The following SLC12A9 variants were observed in gnomAD, a reference collection of about 807,000 sequenced individuals.
The protein encoded by SLC12A9 is CCC-interacting protein 1.
Under a neutral mutation model 66.0 loss-of-function variants are expected in SLC12A9, and 55 were observed. The ratio of observed to expected loss-of-function variants is 0.83; its 90% confidence interval spans 0.67 to 1.04. The LOEUF (loss-of-function observed/expected upper bound fraction) is 1.04. SLC12A9 is among the 50% of genes least tolerant of loss of function. The pLI is 0.00. For missense variants in SLC12A9, 1,061 were observed against 1,241.9 expected (o/e 0.85, Z 2.19); for synonymous variants, 577 against 569.0 (o/e 1.01, Z -0.20).
intron 12 of SLC12A9, among the ~76,000 whole-genome samples, chr7:100,862,416 G>A (rs1328542307): frequency 1.3e-5 from 2 of 152,122 alleles, no homozygotes; most frequent in African/African-American, 4.8e-5. Flanking sequence ...GTGCCACCAG[G>A]CCTGGCTCAT....
At chr7:100,826,926 G>C (rs867337257) in exon 1 of SLC12A9, 14 of 1,535,578 alleles carry the variant, frequency 9.1e-6, no homozygotes, top group African/African-American at 2.8e-5. Context: ...CCAGATGTTG[G>C]GGGGGAGGTC....
upstream of SLC12A9, among the ~76,000 whole-genome samples, chr7:100,848,334 G>A (rs1813963975): frequency 6.6e-6 from 1 of 151,262 alleles, no homozygotes; most frequent in Admixed American, 6.6e-5. Context: ...GTGAGAACCT[G>A]TCTCTACAAA....
At chr7:100,859,692 T>G (rs546807577) in intron 7 of SLC12A9, 193 bp from the exon 8 acceptor site, 12 of 653,068 alleles carry the variant, frequency 1.8e-5, no homozygotes, top group Non-Finnish European at 5.1e-6. Context: ...GCCTGGGGGT[T>G]GGAGTGAGAC....
rs1027274168 is a variant in SLC12A9, at chr7:100,860,383, G to T, written c.1218+151G>T. 1.5e-5 allele frequency: 12 copies of T among 781,304 alleles called. No individual in the cohort carries two copies. In the African/African-American group the frequency reaches 1.6e-4, roughly 10 times the overall value. 48.4% of individuals were successfully genotyped at this position (781,304 alleles called of 1,614,324 possible). A position where few individuals can be genotyped will look rare whatever the true frequency, so the allele number is the denominator to read the frequency against. On this transcript the variant is annotated intron_variant, in intron 9 of 13. Coordinates refer to ENST00000354161, the MANE Select transcript of SLC12A9 (RefSeq NM_020246.4). The stretch of plus-strand genomic sequence containing the variant: ...ACTCTGCAGGGTTCACTGGCACTTT[G>T]TGGGGTTCACCAGCACCTTGCAGGT...
rs1815048266 is a variant in SLC12A9 at position 100,865,879 on chromosome 7, G to A, written c.2019G>A (p.Gly673=). The stretch of plus-strand genomic sequence containing the variant: ...TGTTCCCTCCTCCCCGGGCTCCTGG[G>A]AGCCCCCGGGCCCTCAATCCCCAGG... ...STLFPPPRAP[G]SPRALNPQDY... Residue 673 remains glycine, a synonymous_variant, in exon 14 of 14, where the codon GGG becomes GGA. Coordinates refer to ENST00000354161, the MANE Select transcript of SLC12A9 (RefSeq NM_020246.4). The A allele has an allele frequency of 6.2e-7, 1 of 1,613,454 alleles. No homozygotes were observed. The highest frequency in any genetic ancestry group is 8.5e-7 in the Non-Finnish European group (1 of 1,179,990).
Position 100,861,814 on chromosome 7 carries a change from G to GAGCAGCGCCCT in SLC12A9, c.1614_1615insAGCAGCGCCCT (p.Gly539SerfsTer60). 3.7e-6 allele frequency: 6 copies of GAGCAGCGCCCT among 1,614,104 alleles called. No individual in the cohort carries two copies. The highest frequency in any genetic ancestry group is 5.1e-6 in the Non-Finnish European group (6 of 1,180,002). ...GGCGGCCCCAGCTGCTGCTCCTGGT[G>GAGCAGCGCCCT]GGGAACCCCCGGGGCGCCCTGCCTC... On this transcript the variant is annotated frameshift_variant, in exon 12 of 14. Transcript: ENST00000354161. LOFTEE classifies it high-confidence loss of function. The surrounding 1 kb of genome is among the most constrained non-coding windows in gnomAD (Gnocchi z 5.3).
Sources: allele counts gnomAD v4.1 joint callset (sites outside exome capture counted in the v4.1 genomes callset), GRCh38; gene constraint gnomAD v4.1.1; non-coding constraint Gnocchi (gnomAD v3.1); transcripts MANE v1.5; gene names NCBI Gene and HGNC (gene_info 2026-07-23, HGNC 2026-07-21).